The following ZZZ3 variants were observed in gnomAD, a reference collection of about 807,000 sequenced individuals.
ZZZ3 encodes the protein zinc finger ZZ-type containing 3.
In ZZZ3, 22 loss-of-function variants were observed where a neutral mutation model predicts 95.2. The observed-to-expected ratio is 0.23, with a 90% CI of 0.17 to 0.33. The LOEUF is 0.33. ZZZ3 is among the 10% of genes least tolerant of loss of function. The probability of loss-of-function intolerance (pLI) is 1.00; values close to 1 mark genes in which losing one functional copy is unlikely to be tolerated. For missense variants in ZZZ3, 885 were observed against 1,066.5 expected (o/e 0.83, Z 2.37); for synonymous variants, 335 against 358.9 (o/e 0.93, Z 0.75).
Position 77,566,159 on chromosome 1 carries a change from G to A in ZZZ3, c.2489C>T (p.Pro830Leu), listed in dbSNP as rs765595143. 1 of 1,612,190 alleles carries A rather than the reference G, an allele frequency of 6.2e-7. No individual in the cohort carries two copies. The highest frequency in any genetic ancestry group is 1.7e-5 in the Admixed American group (1 of 59,872). Residue 830 changes from proline to leucine, a missense_variant, in exon 14 of 15, where the codon CCC (proline) becomes CTC (leucine). By Grantham distance (98) the Pro-to-Leu change is moderately conservative (BLOSUM62 -3). Around this residue, in one of 5 missense-constraint regions of ZZZ3, gnomAD observed 221 missense variants for 247.8 expected, o/e 0.89. Transcript: ENST00000370801. ...GCAATGCCACCGAACACCCTGGATGGGTTCTATGCCACAGTTATCACACTA... is the reference window on the plus strand; with the variant it reads ...GCAATGCCACCGAACACCCTGGATGAGTTCTATGCCACAGTTATCACACTA... ...GFKCDNCGIE[P>L]IQGVRWHCQD... is the part of the protein sequence containing the mutation.
At position 77,623,648 on chromosome 1, in the gene ZZZ3, C is replaced by T. The variant is rs1420856944; in HGVS notation, c.1505+8202G>A. ...AACTGCCTGTCAGAACAAATGTCAA[C>T]ATTTTTTAAGGAAAGAAAACAAAAT... On this transcript the variant is annotated intron_variant, in intron 5 of 14. Coordinates refer to ENST00000370801, the MANE Select transcript of ZZZ3 (RefSeq NM_015534.6). 2.2e-4 allele frequency among the ~76,000 whole-genome samples: 34 copies of T among 152,128 alleles called. 3 individuals carry two copies. The highest frequency in any genetic ancestry group is 2.2e-3 in the Admixed American group (34 of 15,276).
intron 1 of ZZZ3, among the ~76,000 whole-genome samples, chr1:77,680,895 T>C (rs1672694142): frequency 6.6e-6 from 1 of 152,200 alleles, no homozygotes; most frequent in Non-Finnish European, 1.5e-5. Flanking sequence ...ACATGTACTT[T>C]CTTTCTGTGC....
In ZZZ3 at chr1:77,564,042, T is replaced by C. The variant is rs1369845825; in HGVS notation, c.*1598A>G. On this transcript the variant is annotated 3_prime_UTR_variant, in exon 15 of 15. Transcript: ENST00000370801. ...AGGAAAAAACAGGTGATTCTAAAAA[T>C]TGGGTCAAATATAACAATCAATCTT... 1.3e-5 allele frequency: 2 copies of C among 152,062 alleles called. No homozygotes were observed. Among genetic ancestry groups the C allele is most frequent in the African/African-American group, 2.4e-5 (1 of 41,416 alleles). 9.4% of individuals were successfully genotyped at this position (152,062 alleles called of 1,614,324 possible).
chr1:77,642,748 T>C (rs1054731060), intron 1 of ZZZ3, among the ~76,000 whole-genome samples: 12 of 151,968 alleles, frequency 7.9e-5, no homozygotes, highest in Non-Finnish European at 1.6e-4. Flanking sequence ...GTAAACCCTA[T>C]CTCAAAAACA....
At chr1:77,606,259 T>C (rs1665221406) in intron 5 of ZZZ3, among the ~76,000 whole-genome samples, 1 of 152,164 alleles carries the variant, frequency 6.6e-6, no homozygotes, top group Admixed American at 6.5e-5. Flanking sequence ...CCTCTGCCTA[T>C]GGCATGCAGG....
At chr1:77,630,013 G>GA (rs952920312) in intron 5 of ZZZ3, among the ~76,000 whole-genome samples, 2 of 151,852 alleles carry the variant, frequency 1.3e-5, no homozygotes, top group Non-Finnish European at 2.9e-5. Flanking sequence ...TGAATTACTA[G>GA]AAAAAAAATT....
At chr1:77,619,969 C>A (rs1323342298) in intron 5 of ZZZ3, among the ~76,000 whole-genome samples, 2 of 152,086 alleles carry the variant, frequency 1.3e-5, no homozygotes, top group East Asian at 3.8e-4. Context: ...AATTTCACCA[C>A]CGATACATCA....
intron 4 of ZZZ3, among the ~76,000 whole-genome samples, chr1:77,634,528 G>A (rs1376975398): frequency 6.6e-6 from 1 of 152,132 alleles, no homozygotes; most frequent in Non-Finnish European, 1.5e-5. Context: ...GTGTTCCAAA[G>A]ACCAGAAAAG....
At chr1:77,660,998 A>G (rs1451848200) in intron 1 of ZZZ3, among the ~76,000 whole-genome samples, 1 of 151,964 alleles carries the variant, frequency 6.6e-6, no homozygotes, top group Non-Finnish European at 1.5e-5. Context: ...AATTTACTCT[A>G]AGTGCATTTG....
At chr1:77,635,599 A>G (rs904004043) in intron 4 of ZZZ3, among the ~76,000 whole-genome samples, 69 of 152,338 alleles carry the variant, frequency 4.5e-4, no homozygotes, top group African/African-American at 1.6e-3. Flanking sequence ...TAAACTTCAA[A>G]TGATGTTTTA....
intron 1 of ZZZ3, among the ~76,000 whole-genome samples, chr1:77,662,414 G>A (rs189068545): frequency 9.2e-5 from 14 of 152,194 alleles, no homozygotes; most frequent in African/African-American, 3.1e-4. Context: ...AAAGTGCTGG[G>A]ATTACAGGCA....
intron 12 of ZZZ3, 27 bp downstream of exon 12, chr1:77,576,041 T>C (rs1166672796): frequency 6.4e-7 from 1 of 1,568,456 alleles, no homozygotes; most frequent in Admixed American, 2.0e-5. Flanking sequence ...CCTTGATGTA[T>C]ATAACAACTT....
Position 77,639,578 on chromosome 1 carries a change from G to A in ZZZ3, c.-181C>T. ...AGACTCTCTCAGCTTCAGCCATGAA[G>A]AATACTAGAACCTCCTAAATTTTTC... is the stretch of plus-strand genomic sequence containing the variant. On this transcript the variant is annotated 5_prime_UTR_variant, in exon 4 of 15. Transcript: ENST00000370801. 1.3e-6 allele frequency: 1 copy of A among 745,848 alleles called. No homozygotes were observed. The highest frequency in any genetic ancestry group is 2.0e-6 in the Non-Finnish European group (1 of 509,122). 46.2% of individuals were successfully genotyped at this position (745,848 alleles called of 1,614,324 possible).
At chr1:77,682,207 G>A (rs957457383) in intron 1 of ZZZ3, among the ~76,000 whole-genome samples, 1 of 152,184 alleles carries the variant, frequency 6.6e-6, no homozygotes, top group Non-Finnish European at 1.5e-5. Flanking sequence ...CAGGAGACTG[G>A]AGTCAGGTAC....
intron 11 of ZZZ3, among the ~76,000 whole-genome samples, chr1:77,577,606 G>A (rs1662088042): frequency 6.6e-6 from 1 of 152,066 alleles, no homozygotes; most frequent in African/African-American, 2.4e-5. Flanking sequence ...CAGTATGGAA[G>A]GATAACAGCA....
chr1:77,616,611 T>C (rs1450632193), intron 5 of ZZZ3, among the ~76,000 whole-genome samples: 1 of 152,214 alleles, frequency 6.6e-6, no homozygotes, highest in Non-Finnish European at 1.5e-5. Flanking sequence ...ACGCCTGTAA[T>C]CCCAGTACTT....
Position 77,600,657 on chromosome 1 carries a change from C to T in ZZZ3, c.1506-16002G>A, listed in dbSNP as rs1330394710. 3.9e-5 allele frequency among the ~76,000 whole-genome samples: 6 copies of T among 152,064 alleles called. No homozygotes were observed. In the East Asian group the frequency reaches 5.8e-4, roughly 15 times the overall value. On this transcript the variant is annotated intron_variant, in intron 5 of 14. Coordinates refer to ENST00000370801, the MANE Select transcript of ZZZ3 (RefSeq NM_015534.6). ...AAGGTAGTAAAAGGGAAAGGGTTCC[C>T]GGGGTTGTTCCAAACAGAAGAGATA... is the stretch of plus-strand genomic sequence containing the variant.
chr1:77,651,224 A>C (rs1395986632), intron 1 of ZZZ3, among the ~76,000 whole-genome samples: 1 of 152,100 alleles, frequency 6.6e-6, no homozygotes, highest in Non-Finnish European at 1.5e-5. Context: ...TCTCTACAAA[A>C]AATAAACAAC....
intron 1 of ZZZ3, among the ~76,000 whole-genome samples, chr1:77,670,079 C>G (rs1475137814): frequency 6.8e-6 from 1 of 148,060 alleles, no homozygotes; most frequent in Non-Finnish European, 1.5e-5. Context: ...GTGACCCCCC[C>G]CCCCCATATT....
Sources: gnomAD v4.1 joint callset for allele counts (sites outside exome capture counted in the v4.1 genomes callset) on GRCh38, gnomAD v4.1.1 for gene constraint, gnomAD v4.1.1 regional missense constraint, MANE v1.5 for transcripts, NCBI Gene and HGNC (gene_info 2026-07-23, HGNC 2026-07-21) for gene names.